The following LLGL2 variants were observed in gnomAD, a reference collection of about 807,000 sequenced individuals.
The protein encoded by LLGL2 is LLGL2, scribble cell polarity complex component.
LLGL2 carries 81 observed loss-of-function variants against 123.2 expected under a neutral mutation model. That is an observed-to-expected ratio of 0.66 (90% confidence interval 0.55 to 0.79). The LOEUF is 0.79. LLGL2 is among the 30% of genes least tolerant of loss of function. LLGL2 has a pLI of 0.00. For missense variants in LLGL2, 1,273 were observed against 1,414.6 expected (o/e 0.90, Z 1.61); for synonymous variants, 577 against 594.1 (o/e 0.97, Z 0.42).
Position 75,571,014 on chromosome 17 carries a change from A to C in LLGL2, c.2090A>C (p.Gln697Pro), listed in dbSNP as rs1448988263. ...CAGAACATGGAGCTGGCGCCTGTGC[A>C]GCGCAAGATCGAGGCTCGCTCGGCA... is the stretch of plus-strand genomic sequence containing the variant. ...GLQNMELAPVQRKIEARSAED... is the reference protein window; with the variant it reads ...GLQNMELAPVPRKIEARSAED... The change falls in exon 17 of 26, where the codon CAG becomes CCG. Residue 697 changes from glutamine (Q) to proline (P), a missense_variant. Physicochemically the swap from Gln to Pro is moderately conservative, Grantham distance 76. Transcript: ENST00000392550. The C allele has an allele frequency of 6.2e-7, 1 of 1,613,074 alleles. No homozygotes were observed. The highest frequency in any genetic ancestry group is 8.5e-7 in the Non-Finnish European group (1 of 1,179,952).
chr17:75,569,336 G>A lies in LLGL2; in HGVS notation c.1581+11G>A. ...GGCACGGCAGGGCAGGTAGCAGGCT[G>A]GGCTGGGGAGGGGGAGCTGGGGAGG... is the stretch of plus-strand genomic sequence containing the variant. On this transcript the variant is annotated intron_variant, in intron 14 of 25. Transcript: ENST00000392550. The A allele has an allele frequency of 6.2e-7, 1 of 1,604,014 alleles. No homozygotes were observed. The highest frequency in any genetic ancestry group is 8.5e-7 in the Non-Finnish European group (1 of 1,171,946).
At position 75,568,641 on chromosome 17, in the gene LLGL2, G is replaced by T. The variant is rs762593534; in HGVS notation, c.1202G>T (p.Trp401Leu). ...GTCTCCAACATCCCGCTGAAGCTGT[G>T]GGAGCGGATCATTGCCGCCGGCAGC... is the stretch of plus-strand genomic sequence containing the variant. ...HHVSNIPLKL[W>L]ERIIAAGSRQ... Residue 401 changes from tryptophan to leucine, a missense_variant, in exon 11 of 26, where the codon TGG (tryptophan) becomes TTG (leucine). Transcript: ENST00000392550. 32 of 1,613,818 alleles carry T rather than the reference G, an allele frequency of 2.0e-5. No homozygotes were observed. The highest frequency in any genetic ancestry group is 2.5e-6 in the Non-Finnish European group (3 of 1,180,042).
intron 1 of LLGL2, among the ~76,000 whole-genome samples, chr17:75,532,055 T>TACACACACACACAC (rs10526094): frequency 0.16 from 14,689 of 93,108 alleles, 1,904 homozygotes; most frequent in Non-Finnish European, 0.22. Flanking sequence ...TATGTATATA[T>TACACACACACACAC]ACACACACAC....
In LLGL2 at chr17:75,559,042, T is replaced by C; in HGVS notation, c.372-210T>C. 5.2e-6 allele frequency: 3 copies of C among 581,034 alleles called. No homozygotes were observed. The South Asian group carries it at 6.3e-5, about 12-fold the overall frequency. 36.0% of individuals were successfully genotyped at this position (581,034 alleles called of 1,614,324 possible). A position where few individuals can be genotyped will look rare whatever the true frequency, so the allele number is the denominator to read the frequency against. On this transcript the variant is annotated intron_variant, in intron 5 of 25. Transcript: ENST00000392550. The surrounding 1 kb of genome is among the most constrained non-coding windows in gnomAD (Gnocchi z 4.6). ...CCGCACCCCGTGTTATGCTGGAGGG[T>C]CCCTGGCGTCTTTCCTGCCTCCTAG...
chr17:75,527,786 T>C (rs1370173836), intron 1 of LLGL2, among the ~76,000 whole-genome samples: 3 of 148,438 alleles, frequency 2.0e-5, no homozygotes, highest in African/African-American at 7.5e-5. Flanking sequence ...TTTTTTTTTT[T>C]CTTTTTTTGA....
chr17:75,542,210 G>A (rs537472865), intron 1 of LLGL2, among the ~76,000 whole-genome samples: 4 of 152,010 alleles, frequency 2.6e-5, no homozygotes, highest in South Asian at 2.1e-4. Context: ...CCAAGAACGC[G>A]AAATCCTTCA....
rs1333647596 is a variant in LLGL2 at position 75,574,891 on chromosome 17, C to G, written c.*13C>G. The G allele has an allele frequency of 6.2e-7, 1 of 1,614,016 alleles. No individual in the cohort carries two copies. The highest frequency in any genetic ancestry group is 1.7e-5 in the Admixed American group (1 of 60,032). On this transcript the variant is annotated 3_prime_UTR_variant, in exon 26 of 26. Transcript: ENST00000392550. ...TTCAGCAGAGTGAGTGGCTGAGCGT[C>G]CAGGCTGCGCGATGAGCACACACTA...
chr17:75,564,245 C>T lies in LLGL2; in HGVS notation c.882-108C>T. Reference sequence around the variant, plus strand: ...GTTGGAAGGAGATGGGGTCCAGTCTCCCCTGCTCCTGGGGACCTTGACTGA... The same window carrying T: ...GTTGGAAGGAGATGGGGTCCAGTCTTCCCTGCTCCTGGGGACCTTGACTGA... On this transcript the variant is annotated intron_variant, in intron 9 of 25. Transcript: ENST00000392550. The surrounding 1 kb of genome is among the most constrained non-coding windows in gnomAD (Gnocchi z 4.9). The T allele has an allele frequency of 3.3e-6, 5 of 1,518,344 alleles. No homozygotes were observed. Among genetic ancestry groups the T allele is most frequent in the Non-Finnish European group, 4.4e-6 (5 of 1,138,264 alleles). The allele number at this position is 1,518,344 out of a possible 1,614,324, so 94.1% of individuals were successfully genotyped here. A position where few individuals can be genotyped will look rare whatever the true frequency, so the allele number is the denominator to read the frequency against.
At position 75,574,444 on chromosome 17, in the gene LLGL2, G is replaced by A. The variant is rs752499777; in HGVS notation, c.2954-9G>A. The A allele has an allele frequency of 7.7e-6, 12 of 1,549,282 alleles. No individual in the cohort carries two copies. The highest frequency in any genetic ancestry group is 2.3e-4 in the Middle Eastern group (1 of 4,396). ...CCTCAGTGGGCCTCTGTTCCCACCC[G>A]GCCTGCAGGAGTCCTGAAGGAAATC... On this transcript the variant is annotated splice_polypyrimidine_tract_variant and intron_variant, in intron 23 of 25. Coordinates refer to ENST00000392550, the MANE Select transcript of LLGL2 (RefSeq NM_001031803.2).
At chr17:75,567,980 T>C (rs570484846) in intron 10 of LLGL2, 1 of 671,204 alleles carries the variant, frequency 1.5e-6, no homozygotes, top group East Asian at 1.4e-4. Context: ...AATGGTTTAA[T>C]CATCCAGCGC....
chr17:75,573,404 A>G, intron 20 of LLGL2, 77 bp from the exon 21 acceptor site: 1 of 1,561,868 alleles, frequency 6.4e-7, no homozygotes. Context: ...AGGGAGCACT[A>G]GCCCCTACTC....
In LLGL2 at chr17:75,573,540, GT is replaced by G; in HGVS notation, c.2786del (p.Val929GlyfsTer47). The G allele has an allele frequency of 3.7e-6, 6 of 1,612,924 alleles. No individual in the cohort carries two copies. The highest frequency in any genetic ancestry group is 5.1e-6 in the Non-Finnish European group (6 of 1,179,916). ...ERFSLSTKWL[V>X]EPRCLVDSAE... ...CTTCTCTCTCTCCACCAAGTGGCTG[GT>G]GGAGCCCCGGTGTCTGGTGGATTCA... On this transcript the variant is annotated frameshift_variant, in exon 21 of 26. Coordinates refer to ENST00000392550, the MANE Select transcript of LLGL2 (RefSeq NM_001031803.2). LOFTEE classifies it high-confidence loss of function.
chr17:75,529,056 T>C (rs566724874), intron 1 of LLGL2, among the ~76,000 whole-genome samples: 58 of 151,680 alleles, frequency 3.8e-4, no homozygotes, highest in Admixed American at 2.8e-3. Context: ...CTCAGGAGGC[T>C]GAGGCAGGAG....
Position 75,564,327 on chromosome 17 carries a change from C to T in LLGL2, c.882-26C>T. On this transcript the variant is annotated intron_variant, in intron 9 of 25. Coordinates refer to ENST00000392550, the MANE Select transcript of LLGL2 (RefSeq NM_001031803.2). This position sits in a 1 kb window ranked among gnomAD's most constrained non-coding sequence, Gnocchi z 4.9. The stretch of plus-strand genomic sequence containing the variant: ...TGAGGCTGTGCCAGGAGCCCCAGCC[C>T]ACTGCCGCTCCTCTGTGCCTGCCAG... The T allele has an allele frequency of 2.5e-6, 4 of 1,586,002 alleles. No homozygotes were observed. The highest frequency in any genetic ancestry group is 3.4e-6 in the Non-Finnish European group (4 of 1,167,358).
At chr17:75,562,704 G>A (rs2055273587) in intron 6 of LLGL2, 6 of 345,780 alleles carry the variant, frequency 1.7e-5, no homozygotes, top group Non-Finnish European at 3.3e-5. Flanking sequence ...AAGTAGCTGG[G>A]GTTATAGCCA....
At position 75,573,466 on chromosome 17, in the gene LLGL2, G is replaced by C. The variant is rs2055821827; in HGVS notation, c.2726-15G>C. The stretch of plus-strand genomic sequence containing the variant: ...GCCGCCAGGCCAGGCCGCTAGCATT[G>C]CCCCCACTCCCCAGGCTTCTACCTG... On this transcript the variant is annotated splice_polypyrimidine_tract_variant and intron_variant, in intron 20 of 25. Transcript: ENST00000392550. 6.3e-7 allele frequency: 1 copy of C among 1,597,488 alleles called. No individual in the cohort carries two copies. The highest frequency in any genetic ancestry group is 1.3e-5 in the African/African-American group (1 of 74,588).
chr17:75,535,529 C>G (rs1408307120), intron 1 of LLGL2, among the ~76,000 whole-genome samples: 1 of 152,250 alleles, frequency 6.6e-6, no homozygotes, highest in East Asian at 1.9e-4. Context: ...TCCCACATCT[C>G]CAGGCCAGAG....
In LLGL2 at chr17:75,568,473, C is replaced by T. The variant is rs1340438569; in HGVS notation, c.1037-3C>T. 1 of 1,612,080 alleles carries T rather than the reference C, an allele frequency of 6.2e-7. No homozygotes were observed. The highest frequency in any genetic ancestry group is 1.7e-5 in the Admixed American group (1 of 60,014). On this transcript the variant is annotated splice_polypyrimidine_tract_variant and splice_region_variant and intron_variant, in intron 10 of 25. Coordinates refer to ENST00000392550, the MANE Select transcript of LLGL2 (RefSeq NM_001031803.2). ...GGCCCCTGACCCTTGCCCTGTACCC[C>T]AGCCTTTGACGACCCCTATGCCCTG...
In LLGL2 at chr17:75,564,077, G is replaced by T. The variant is rs1043783827; in HGVS notation, c.881+271G>T. ...TTAAACTCCTTTAGTTGGCAGCCCT[G>T]TTTCTTCAGACAAAATCACTCTGGG... On this transcript the variant is annotated intron_variant, in intron 9 of 25. Transcript: ENST00000392550. The surrounding 1 kb of genome is among the most constrained non-coding windows in gnomAD (Gnocchi z 4.9). Among the ~76,000 whole-genome samples, 9 of 152,238 alleles carry T rather than the reference G, an allele frequency of 5.9e-5. No homozygotes were observed. The highest frequency in any genetic ancestry group is 1.2e-4 in the Non-Finnish European group (8 of 68,038).
Sources: allele counts gnomAD v4.1 joint callset (sites outside exome capture counted in the v4.1 genomes callset), GRCh38; gene constraint gnomAD v4.1.1; non-coding constraint Gnocchi (gnomAD v3.1); transcripts MANE v1.5; gene names NCBI Gene and HGNC (gene_info 2026-07-23, HGNC 2026-07-21).